WWC2: variants seen among roughly 807,000 people sequenced by gnomAD.
WWC2 encodes the protein WW and C2 domain containing 2.
Under a neutral mutation model 138.5 loss-of-function variants are expected in WWC2, and 101 were observed. The ratio of observed to expected loss-of-function variants is 0.73; its 90% CI spans 0.62 to 0.86. WWC2 has a LOEUF of 0.86. Ranked by LOEUF, WWC2 falls within the 40% of genes least tolerant of loss-of-function variation. WWC2 has a pLI of 0.00. For synonymous variants in WWC2, 558 were observed against 538.4 expected, an observed-to-expected ratio of 1.04 and a Z score of -0.50; for missense variants, 1,420 against 1,419.4, an observed-to-expected ratio of 1.00 and a Z score of -0.01.
At chr4:183,253,419 G>A (rs1257695714) in intron 8 of WWC2, among the ~76,000 whole-genome samples, 5 of 152,254 alleles carry the variant, frequency 3.3e-5, no homozygotes, top group African/African-American at 7.2e-5. Context: ...GCAGTCACAC[G>A]TCAGAGCTGG....
At chr4:183,151,716 A>G (rs111811369) in intron 1 of WWC2, among the ~76,000 whole-genome samples, 4,540 of 152,218 alleles carry the variant, frequency 0.03, 226 homozygotes, top group African/African-American at 0.1. Flanking sequence ...TAATTTTTGT[A>G]TAAGGTGTAA....
chr4:183,123,367 C>CA (rs1732663182), intron 1 of WWC2, among the ~76,000 whole-genome samples: 1 of 151,236 alleles, frequency 6.6e-6, no homozygotes, highest in African/African-American at 2.4e-5. Flanking sequence ...AGACAAATCT[C>CA]AGTGACAGTG....
Position 183,269,063 on chromosome 4 carries a change from A to G in WWC2, c.2300A>G (p.Asn767Ser), listed in dbSNP as rs145764287. The G allele has an allele frequency of 1.2e-5, 19 of 1,613,842 alleles. No homozygotes were observed. Among genetic ancestry groups the G allele is most frequent in the African/African-American group, 8.0e-5 (6 of 74,920 alleles). Residue 767 changes from asparagine to serine, a missense_variant, in exon 15 of 23, where the codon AAT becomes AGT. Physicochemically the swap from Asn to Ser is conservative, Grantham distance 46. Transcript: ENST00000403733. ...VHPPTESILF[N>S]DVFRVAISQT... The stretch of plus-strand genomic sequence containing the variant: ...CCGCCCACAGAATCCATTTTATTCA[A>G]TGATGTGTTCAGAGTCGCCATTTCC...
At chr4:183,115,923 G>A (rs867589138) in intron 1 of WWC2, among the ~76,000 whole-genome samples, 1 of 152,064 alleles carries the variant, frequency 6.6e-6, no homozygotes, top group Non-Finnish European at 1.5e-5. Context: ...CAGGGCCTAC[G>A]TCCAGAATGG....
intron 22 of WWC2, among the ~76,000 whole-genome samples, chr4:183,313,238 C>A (rs1739323918): frequency 6.6e-6 from 1 of 152,118 alleles, no homozygotes. Context: ...GCTCAAGTTG[C>A]ACAGGCCTTG....
chr4:183,183,048 A>G (rs936189589), intron 1 of WWC2, among the ~76,000 whole-genome samples: 1 of 152,242 alleles, frequency 6.6e-6, no homozygotes, highest in Non-Finnish European at 1.5e-5. Flanking sequence ...GTCCCTGCCT[A>G]GAGACTGAGT....
At chr4:183,238,146 T>A (rs760597285) in intron 4 of WWC2, among the ~76,000 whole-genome samples, 1 of 152,208 alleles carries the variant, frequency 6.6e-6, no homozygotes, top group Non-Finnish European at 1.5e-5. Flanking sequence ...CGGAAATGAA[T>A]GTCTTAAAGA....
intron 4 of WWC2, among the ~76,000 whole-genome samples, chr4:183,218,671 G>A (rs1735827237): frequency 6.6e-6 from 1 of 152,238 alleles, no homozygotes. Flanking sequence ...ACCCAGGAAA[G>A]CTGATGGTGC....
At chr4:183,223,810 A>C (rs536705091) in intron 4 of WWC2, among the ~76,000 whole-genome samples, 148 of 152,308 alleles carry the variant, frequency 9.7e-4, no homozygotes, top group South Asian at 3.5e-3. Context: ...GGCTCACTGC[A>C]ACGTCTGCCT....
At chr4:183,302,519 ATC>A (rs147282861) in intron 21 of WWC2, among the ~76,000 whole-genome samples, 1 of 151,476 alleles carries the variant, frequency 6.6e-6, no homozygotes, top group Non-Finnish European at 1.5e-5. Context: ...GTCGACGTCG[ATC>A]TCTCTCTCTC....
At chr4:183,246,227 GT>G (rs1364739555) in intron 6 of WWC2, among the ~76,000 whole-genome samples, 3 of 151,500 alleles carry the variant, frequency 2.0e-5, no homozygotes, top group South Asian at 4.2e-4. Context: ...ATACAGTCAA[GT>G]TTTTTTTTAA....
intron 4 of WWC2, among the ~76,000 whole-genome samples, chr4:183,213,624 G>T (rs1037124869): frequency 1.3e-4 from 20 of 152,194 alleles, no homozygotes; most frequent in African/African-American, 4.6e-4. Flanking sequence ...CATAGGTACT[G>T]ATAATCATTG....
intron 1 of WWC2, among the ~76,000 whole-genome samples, chr4:183,122,092 A>T (rs897118975): frequency 6.6e-6 from 1 of 151,672 alleles, no homozygotes; most frequent in Admixed American, 6.6e-5. Flanking sequence ...GCCAAGAAGC[A>T]TTTTTTTTCT....
At chr4:183,186,373 G>T (rs374029338) in intron 1 of WWC2, among the ~76,000 whole-genome samples, 2 of 152,224 alleles carry the variant, frequency 1.3e-5, no homozygotes, top group Admixed American at 1.3e-4. Flanking sequence ...GAGTGTATTC[G>T]TGAAGTAACT....
intron 1 of WWC2, among the ~76,000 whole-genome samples, chr4:183,158,049 CTT>C (rs757174353): frequency 4.6e-5 from 7 of 152,072 alleles, no homozygotes; most frequent in Non-Finnish European, 8.8e-5. Flanking sequence ...TTTAGATGAA[CTT>C]TGTCTTTTAG....
At chr4:183,166,037 C>A (rs1734119204) in intron 1 of WWC2, among the ~76,000 whole-genome samples, 3 of 152,080 alleles carry the variant, frequency 2.0e-5, no homozygotes, top group Admixed American at 2.0e-4. Flanking sequence ...TAGTATCTAC[C>A]TGTAATGTAA....
intron 21 of WWC2, among the ~76,000 whole-genome samples, chr4:183,290,581 G>T (rs2111078561): frequency 6.6e-6 from 1 of 151,628 alleles, no homozygotes; most frequent in South Asian, 2.1e-4. Context: ...ACATACTACT[G>T]AAATTTTCAA....
chr4:183,154,688 CT>C (rs1554067785), intron 1 of WWC2, among the ~76,000 whole-genome samples: 1 of 152,226 alleles, frequency 6.6e-6, no homozygotes, highest in Non-Finnish European at 1.5e-5. Context: ...GAAGCTCACT[CT>C]TCTGTCTATG....
intron 1 of WWC2, among the ~76,000 whole-genome samples, chr4:183,125,710 C>T (rs543904461): frequency 2.0e-5 from 3 of 152,206 alleles, no homozygotes; most frequent in Admixed American, 6.5e-5. Flanking sequence ...TAGAAAACTC[C>T]GTACAGTCTT....
Sources: allele counts gnomAD v4.1 joint callset (sites outside exome capture counted in the v4.1 genomes callset), GRCh38; gene constraint gnomAD v4.1.1; transcripts MANE v1.5; gene names NCBI Gene and HGNC (gene_info 2026-07-23, HGNC 2026-07-21).